Variants in CSMD1 observed in about 807,000 individuals in gnomAD.
CSMD1 encodes CUB and Sushi multiple domains 1, also known as CUB and sushi domain-containing protein 1.
A neutral mutation model predicts 417.5 loss-of-function variants in CSMD1; 213 were observed. The ratio of observed to expected loss-of-function variants is 0.51; its 90% CI spans 0.46 to 0.57. The LOEUF (loss-of-function observed/expected upper bound fraction) is 0.57. Ranked by LOEUF, CSMD1 falls within the 20% of genes least tolerant of loss-of-function variation. CSMD1 has a pLI of 0.00. For missense variants in CSMD1, 6,923 were observed against 4,529.7 expected, an observed-to-expected ratio of 1.53 and a Z score of -15.17; for synonymous variants, 2,862 against 1,736.8, an observed-to-expected ratio of 1.65 and a Z score of -16.11.
At chr8:3,668,868 G>C (rs983899666) in intron 7 of CSMD1, among the ~76,000 whole-genome samples, 4 of 152,140 alleles carry the variant, frequency 2.6e-5, no homozygotes, top group South Asian at 2.1e-4. Context: ...TGCTCTGGTG[G>C]CTATCAGCCT....
chr8:3,978,179 C>T (rs994129338), intron 5 of CSMD1, among the ~76,000 whole-genome samples: 8 of 152,196 alleles, frequency 5.3e-5, no homozygotes, highest in Admixed American at 3.9e-4. Context: ...AGCCTGTCTG[C>T]AGGACTCCTG....
chr8:4,448,780 T>G (rs1208256215), intron 2 of CSMD1, among the ~76,000 whole-genome samples: 1 of 152,196 alleles, frequency 6.6e-6, no homozygotes, highest in Non-Finnish European at 1.5e-5. Flanking sequence ...AGGCTTTAAA[T>G]GATGTCATCT....
intron 3 of CSMD1, among the ~76,000 whole-genome samples, chr8:4,401,350 ATTG>A (rs1376482663): frequency 1.3e-5 from 2 of 152,176 alleles, no homozygotes; most frequent in Admixed American, 6.5e-5. Context: ...ACCCACACGT[ATTG>A]TTATTACATT....
intron 1 of CSMD1, among the ~76,000 whole-genome samples, chr8:4,918,638 A>T (rs1806229194): frequency 6.6e-6 from 1 of 152,248 alleles, no homozygotes; most frequent in Admixed American, 6.5e-5. Context: ...TCAGATTGAT[A>T]AATCTTTTCT....
At chr8:4,339,257 A>G (rs1472172325) in intron 3 of CSMD1, among the ~76,000 whole-genome samples, 1 of 152,150 alleles carries the variant, frequency 6.6e-6, no homozygotes, top group Non-Finnish European at 1.5e-5. Flanking sequence ...TCTTGGCCAG[A>G]GACAAAAGTA....
At chr8:3,662,317 A>T (rs1051178288) in intron 7 of CSMD1, among the ~76,000 whole-genome samples, 3 of 152,166 alleles carry the variant, frequency 2.0e-5, no homozygotes, top group Admixed American at 6.6e-5. Flanking sequence ...TAAATGTTGT[A>T]AACAGTTAAA....
At chr8:3,365,800 A>G (rs1166942881) in intron 20 of CSMD1, among the ~76,000 whole-genome samples, 2 of 152,190 alleles carry the variant, frequency 1.3e-5, no homozygotes, top group East Asian at 1.9e-4. Flanking sequence ...GTATTATTGA[A>G]CTACAGTTGA....
At chr8:3,939,535 G>C (rs933644034) in intron 5 of CSMD1, among the ~76,000 whole-genome samples, 23 of 152,088 alleles carry the variant, frequency 1.5e-4, no homozygotes, top group African/African-American at 5.6e-4. Flanking sequence ...CAAAGGAAAA[G>C]ACGTCATCAT....
At chr8:4,545,910 T>C (rs956957508) in intron 2 of CSMD1, among the ~76,000 whole-genome samples, 4 of 152,166 alleles carry the variant, frequency 2.6e-5, no homozygotes, top group African/African-American at 7.2e-5. Context: ...CTTTTCTCCA[T>C]CATCTAATCA....
At chr8:4,726,617 G>T (rs144703988) in intron 1 of CSMD1, among the ~76,000 whole-genome samples, 1 of 152,128 alleles carries the variant, frequency 6.6e-6, no homozygotes, top group Non-Finnish European at 1.5e-5. Context: ...GCAAAAGATA[G>T]AAACCCTGAA....
chr8:4,627,638 A>G (rs1802196553), intron 2 of CSMD1, among the ~76,000 whole-genome samples: 1 of 152,124 alleles, frequency 6.6e-6, no homozygotes, highest in African/African-American at 2.4e-5. Flanking sequence ...ACGATGCCCA[A>G]CATCACCTCC....
intron 37 of CSMD1, among the ~76,000 whole-genome samples, chr8:3,173,476 G>A (rs930091483): frequency 6.6e-6 from 1 of 152,176 alleles, no homozygotes; most frequent in Non-Finnish European, 1.5e-5. Flanking sequence ...ATTGTTTGTG[G>A]CCAAACTGTG....
At chr8:3,264,179 C>G (rs1003044200) in intron 26 of CSMD1, among the ~76,000 whole-genome samples, 1 of 152,124 alleles carries the variant, frequency 6.6e-6, no homozygotes, top group African/African-American at 2.4e-5. Flanking sequence ...TATATTGACA[C>G]AAGGCAGACT....
At chr8:3,696,139 C>T (rs544268942) in intron 7 of CSMD1, among the ~76,000 whole-genome samples, 1 of 152,072 alleles carries the variant, frequency 6.6e-6, no homozygotes, top group Non-Finnish European at 1.5e-5. Context: ...CATGGTTTTC[C>T]CAGATACATA....
At chr8:3,167,424 G>C (rs774787127) in intron 37 of CSMD1, among the ~76,000 whole-genome samples, 1 of 151,274 alleles carries the variant, frequency 6.6e-6, no homozygotes. Context: ...TAAATGTGAA[G>C]ACAACATAAA....
At chr8:3,848,200 C>A (rs2954215) in intron 5 of CSMD1, among the ~76,000 whole-genome samples, 16 of 151,878 alleles carry the variant, frequency 1.1e-4, no homozygotes, top group Non-Finnish European at 1.9e-4. Flanking sequence ...ATGTCAGGAA[C>A]AATCAGAAGT....
rs189496178 is a variant in CSMD1, at chr8:4,721,131, C to T, written c.86-83573G>A. On this transcript the variant is annotated intron_variant, in intron 1 of 69. Transcript: ENST00000635120. ...GCTTTGGAAACTTACAAATGCAACT[C>T]GGCAATAAAGTTCTTCCAGCAAAAG... 9.9e-5 allele frequency among the ~76,000 whole-genome samples: 15 copies of T among 152,196 alleles called. No individual in the cohort carries two copies. The East Asian group carries it at 2.7e-3, about 27-fold the overall frequency.
At chr8:4,728,006 A>C (rs1052066975) in intron 1 of CSMD1, among the ~76,000 whole-genome samples, 3 of 145,792 alleles carry the variant, frequency 2.1e-5, no homozygotes, top group African/African-American at 7.5e-5. Context: ...ATATTTATAT[A>C]CAAAATATAT....
intron 3 of CSMD1, among the ~76,000 whole-genome samples, chr8:4,398,209 G>C (rs557907802): frequency 6.6e-6 from 1 of 152,134 alleles, no homozygotes; most frequent in South Asian, 2.1e-4. Flanking sequence ...GTAGAAGGAT[G>C]ATCTGTAGTA....
Sources: gnomAD v4.1 joint callset for allele counts (sites outside exome capture counted in the v4.1 genomes callset) on GRCh38, gnomAD v4.1.1 for gene constraint, MANE v1.5 for transcripts, NCBI Gene and HGNC (gene_info 2026-07-23, HGNC 2026-07-21) for gene names.